DNAH11: variants seen among roughly 807,000 people sequenced by gnomAD.
The protein encoded by DNAH11 is dynein axonemal heavy chain 11.
DNAH11 carries 442 observed loss-of-function variants against 526.0 expected under a neutral mutation model. The observed-to-expected ratio is 0.84, with a 90% CI of 0.78 to 0.91. DNAH11 has a LOEUF of 0.91. Among genes scored for constraint, DNAH11 ranks in the 40% least tolerant of loss-of-function variants. The pLI is 0.00. For synonymous variants in DNAH11, 2,461 were observed against 1,935.9 expected, an observed-to-expected ratio of 1.27 and a Z score of -7.12; for missense variants, 6,989 against 5,448.7, an observed-to-expected ratio of 1.28 and a Z score of -8.90.
chr7:21,776,850 C>T (rs1272483871), intron 56 of DNAH11, among the ~76,000 whole-genome samples: 3 of 152,098 alleles, frequency 2.0e-5, no homozygotes, highest in African/African-American at 4.8e-5. Context: ...TGGTAGCATC[C>T]TGCATAACTA....
chr7:21,796,592 A>C (rs188103465), intron 61 of DNAH11, among the ~76,000 whole-genome samples: 3 of 152,234 alleles, frequency 2.0e-5, no homozygotes, highest in Non-Finnish European at 4.4e-5. Flanking sequence ...AGAGATTGTT[A>C]TCATGGCGGC....
intron 36 of DNAH11, among the ~76,000 whole-genome samples, chr7:21,701,572 G>A (rs139910435): frequency 2.0e-5 from 3 of 152,294 alleles, no homozygotes; most frequent in African/African-American, 7.2e-5. Context: ...TGACAGGCAT[G>A]AGCCACCACA....
In DNAH11 at chr7:21,637,600, C is replaced by T; in HGVS notation, c.4726-11C>T. On this transcript the variant is annotated splice_polypyrimidine_tract_variant and intron_variant, in intron 26 of 81. Transcript: ENST00000409508. Reference sequence around the variant, plus strand: ...CTAATATCCACGGCCCCGTATTGTACTTTCATGCAGGAGTTAATGTTCAAG... The same window carrying T: ...CTAATATCCACGGCCCCGTATTGTATTTTCATGCAGGAGTTAATGTTCAAG... 6.5e-7 allele frequency: 1 copy of T among 1,549,450 alleles called. No individual in the cohort carries two copies. The highest frequency in any genetic ancestry group is 8.8e-7 in the Non-Finnish European group (1 of 1,136,028).
At chr7:21,554,843 G>C (rs547335425) in intron 2 of DNAH11, among the ~76,000 whole-genome samples, 21 of 152,314 alleles carry the variant, frequency 1.4e-4, no homozygotes, top group Admixed American at 1.2e-3. Context: ...GTGTGGAAGG[G>C]ATAGGGAAGT....
Position 21,615,042 on chromosome 7 carries a change from C to T in DNAH11, c.3853-72C>T, listed in dbSNP as rs559707138. The T allele has an allele frequency of 9.2e-6, 13 of 1,419,252 alleles. No individual in the cohort carries two copies. In the East Asian group the frequency reaches 1.8e-4, roughly 19 times the overall value. The allele number at this position is 1,419,252 out of a possible 1,614,324, so 87.9% of individuals were successfully genotyped here. A position where few individuals can be genotyped will look rare whatever the true frequency, so the allele number is the denominator to read the frequency against. ...ATCAAAGATTGAAATGTCGAGATAA[C>T]CAGAGCTACAGAACTGCATGTCTTC... On this transcript the variant is annotated intron_variant, in intron 20 of 81. Coordinates refer to ENST00000409508, the MANE Select transcript of DNAH11 (RefSeq NM_001277115.2).
intron 30 of DNAH11, among the ~76,000 whole-genome samples, chr7:21,675,534 T>C (rs959825087): frequency 1.3e-5 from 2 of 152,224 alleles, no homozygotes; most frequent in African/African-American, 4.8e-5. Flanking sequence ...AAAACAATTT[T>C]AATTATTTAT....
chr7:21,828,921 C>A (rs1039159298), intron 65 of DNAH11, among the ~76,000 whole-genome samples: 1 of 152,060 alleles, frequency 6.6e-6, no homozygotes, highest in Admixed American at 6.6e-5. Flanking sequence ...TAACTCATTT[C>A]TATTCAGGGT....
chr7:21,790,427 G>A (rs192359002), intron 61 of DNAH11, among the ~76,000 whole-genome samples: 1 of 152,132 alleles, frequency 6.6e-6, no homozygotes, highest in African/African-American at 2.4e-5. Context: ...TCCAGCCTGG[G>A]CGACAGAGCA....
chr7:21,779,162 G>A (rs1201913363), intron 57 of DNAH11, 58 bp downstream of exon 57: 1 of 1,539,342 alleles, frequency 6.5e-7, no homozygotes, highest in Non-Finnish European at 8.8e-7. Flanking sequence ...AATAAACCTT[G>A]GTAGGTGAAC....
chr7:21,805,918 C>T (rs938648615), intron 62 of DNAH11, among the ~76,000 whole-genome samples: 20 of 152,242 alleles, frequency 1.3e-4, no homozygotes, highest in African/African-American at 2.6e-4. Context: ...TTGTCTATAT[C>T]GCATTGACCT....
chr7:21,658,750 C>T (rs1192221439), intron 29 of DNAH11, 48 bp from the exon 30 acceptor site: 3 of 1,440,572 alleles, frequency 2.1e-6, no homozygotes, highest in Middle Eastern at 1.8e-4. Context: ...ATGAAATTAT[C>T]CTTCCATAGT....
intron 65 of DNAH11, among the ~76,000 whole-genome samples, chr7:21,840,956 TGGATCACCTGA>T (rs1236446433): frequency 6.6e-6 from 1 of 152,062 alleles, no homozygotes; most frequent in Non-Finnish European, 1.5e-5. Context: ...CCAAGGCGGG[TGGATCACCTGA>T]GGTCAGTAGT....
chr7:21,543,800 G>A, intron 1 of DNAH11: 1 of 601,820 alleles, frequency 1.7e-6, no homozygotes, highest in Non-Finnish European at 2.9e-6. Context: ...AGTTTCCTAA[G>A]TCAGCAGTTT....
At chr7:21,896,662 C>T (rs906301849) in intron 79 of DNAH11, among the ~76,000 whole-genome samples, 3 of 152,152 alleles carry the variant, frequency 2.0e-5, no homozygotes, top group East Asian at 3.8e-4. Context: ...TCTGCCTGAC[C>T]TCTTAACGTT....
intron 70 of DNAH11, among the ~76,000 whole-genome samples, chr7:21,865,625 C>T (rs1234732280): frequency 6.6e-6 from 1 of 152,138 alleles, no homozygotes; most frequent in Non-Finnish European, 1.5e-5. Context: ...CCCTCCCAAA[C>T]CACATTCCCA....
Position 21,591,503 on chromosome 7 carries a change from G to A in DNAH11, c.2593G>A (p.Asp865Asn). 6.2e-7 allele frequency: 1 copy of A among 1,608,230 alleles called. No individual in the cohort carries two copies. Among genetic ancestry groups the A allele is most frequent in the Non-Finnish European group, 8.5e-7 (1 of 1,175,778 alleles). The change falls in exon 14 of 82, where the codon GAC becomes AAC. Residue 865 changes from aspartate to asparagine, a missense_variant. Physicochemically the swap from Asp to Asn is conservative, Grantham distance 23 (BLOSUM62 1). Coordinates refer to ENST00000409508, the MANE Select transcript of DNAH11 (RefSeq NM_001277115.2). ...ACGAGAGGCAGCCTTCACCTTGGAG[G>A]ACAAGGGTGATTTGTTTACAAAAAA... ...HRREAAFTLEDKGDLFTKKYK... is the reference protein window; with the variant it reads ...HRREAAFTLENKGDLFTKKYK...
chr7:21,859,642 T>C (rs1782979934), intron 68 of DNAH11, among the ~76,000 whole-genome samples: 1 of 152,170 alleles, frequency 6.6e-6, no homozygotes, highest in Non-Finnish European at 1.5e-5. Flanking sequence ...TACTTCAAGG[T>C]GAATTAATCT....
intron 26 of DNAH11, among the ~76,000 whole-genome samples, 155 bp downstream of exon 26, chr7:21,636,250 C>T (rs1250951618): frequency 1.3e-5 from 2 of 152,148 alleles, no homozygotes; most frequent in Non-Finnish European, 2.9e-5. Flanking sequence ...ATATTTCAGG[C>T]TGTGTGGATC....
chr7:21,544,044 C>G (rs980188626), intron 1 of DNAH11, among the ~76,000 whole-genome samples: 2 of 152,162 alleles, frequency 1.3e-5, no homozygotes, highest in Non-Finnish European at 2.9e-5. Context: ...CACTTCACCC[C>G]AGGCAAAAAC....
Sources: allele counts gnomAD v4.1 joint callset (sites outside exome capture counted in the v4.1 genomes callset), GRCh38; gene constraint gnomAD v4.1.1; transcripts MANE v1.5; gene names NCBI Gene and HGNC (gene_info 2026-07-23, HGNC 2026-07-21).